Variants in PRSS23 observed in about 807,000 individuals in gnomAD.
PRSS23 encodes protease, serine 23.
In PRSS23, 25 loss-of-function variants were observed where a neutral mutation model predicts 34.7. That is an observed-to-expected ratio of 0.72 (90% confidence interval 0.53 to 1.01). The LOEUF (loss-of-function observed/expected upper bound fraction) is 1.01, where lower values mean the gene tolerates loss of function less well. Among genes scored for constraint, PRSS23 ranks in the 50% least tolerant of loss-of-function variants. PRSS23 has a pLI of 0.00. For missense variants in PRSS23, 445 were observed against 475.6 expected, an observed-to-expected ratio of 0.94 and a Z score of 0.60; for synonymous variants, 176 against 186.6, an observed-to-expected ratio of 0.94 and a Z score of 0.46.
At chr11:86,845,716 A>T (rs189299156) in intron 2 of PRSS23, among the ~76,000 whole-genome samples, 1 of 152,052 alleles carries the variant, frequency 6.6e-6, no homozygotes, top group Non-Finnish European at 1.5e-5. Flanking sequence ...TCCCCAAGAA[A>T]GCTATAAACA....
At position 86,808,683 on chromosome 11, in the gene PRSS23, A is replaced by G. The variant is rs771351446; in HGVS notation, c.1040A>G (p.Asp347Gly). Residue 347 changes from aspartate (D) to glycine (G), a missense_variant, in exon 2 of 2, where the codon GAC (aspartate) becomes GGC (glycine). Transcript: ENST00000280258. Reference sequence around the variant, plus strand: ...ATTTTTTCAGGGCACCAGTGGGTGGACATGAATGGTTCCCCACAGGATTTC... The same window carrying G: ...ATTTTTTCAGGGCACCAGTGGGTGGGCATGAATGGTTCCCCACAGGATTTC... ...IGIFSGHQWVDMNGSPQDFNV... is the reference protein window; with the variant it reads ...IGIFSGHQWVGMNGSPQDFNV... 9 of 1,614,016 alleles carry G rather than the reference A, an allele frequency of 5.6e-6. No homozygotes were observed. In the African/African-American group the frequency reaches 1.2e-4, roughly 22 times the overall value.
chr11:86,847,971 C>T (rs1948500140), intron 2 of PRSS23, among the ~76,000 whole-genome samples: 1 of 152,188 alleles, frequency 6.6e-6, no homozygotes, highest in Middle Eastern at 3.2e-3. Context: ...TCCTCCTGCA[C>T]TGACTCTCCT....
intron 1 of PRSS23, among the ~76,000 whole-genome samples, chr11:86,795,097 C>G (rs1188412399): frequency 6.6e-6 from 1 of 152,024 alleles, no homozygotes; most frequent in Non-Finnish European, 1.5e-5. Context: ...TACATTTTTT[C>G]TTATAAAGTC....
intron 2 of PRSS23, chr11:86,935,385 G>C (rs968683830): frequency 1.8e-4 from 22 of 121,494 alleles, no homozygotes; most frequent in African/African-American, 6.3e-4. Context: ...CATCATAAGA[G>C]AAAAGTGCTG....
intron 2 of PRSS23, among the ~76,000 whole-genome samples, chr11:86,880,375 C>T (rs1241699453): frequency 1.3e-5 from 2 of 151,622 alleles, no homozygotes; most frequent in Non-Finnish European, 2.9e-5. Flanking sequence ...TCTGCTGACC[C>T]TCCCTCCACT....
chr11:86,835,305 A>G (rs953226434), intron 2 of PRSS23, among the ~76,000 whole-genome samples: 24 of 152,244 alleles, frequency 1.6e-4, no homozygotes, highest in African/African-American at 5.8e-4. Context: ...CCTGTAAACA[A>G]TGAGGCCAAC....
At chr11:86,930,120 T>C (rs1199750009) in intron 2 of PRSS23, among the ~76,000 whole-genome samples, 2 of 152,056 alleles carry the variant, frequency 1.3e-5, no homozygotes, top group African/African-American at 4.8e-5. Context: ...TATGTGTATG[T>C]ATACAAAATC....
At chr11:86,952,427 A>G in exon 3 of PRSS23, 1 of 1,614,070 alleles carries the variant, frequency 6.2e-7, no homozygotes, top group Non-Finnish European at 8.5e-7. Flanking sequence ...GGGGATGTTG[A>G]TCTTCTCTGT....
upstream of PRSS23, among the ~76,000 whole-genome samples, chr11:86,798,687 T>C (rs1383969779): frequency 6.6e-6 from 1 of 152,228 alleles, no homozygotes; most frequent in Admixed American, 6.5e-5. Flanking sequence ...TAAGTTTATA[T>C]CTGGTTTTGT....
chr11:86,919,408 T>C (rs2135001868), intron 2 of PRSS23, among the ~76,000 whole-genome samples: 1 of 152,384 alleles, frequency 6.6e-6, no homozygotes, highest in Non-Finnish European at 1.5e-5. Context: ...CCCAGCACTT[T>C]GAATAAGGCA....
chr11:86,879,684 GC>G (rs1167564557), intron 2 of PRSS23, among the ~76,000 whole-genome samples: 1 of 137,666 alleles, frequency 7.3e-6, no homozygotes. Flanking sequence ...GGGGGGGTCA[GC>G]CCCCCACCCG....
At chr11:86,947,238 A>AAC in intron 2 of PRSS23, 2 of 168,800 alleles carry the variant, frequency 1.2e-5, no homozygotes, top group Admixed American at 5.8e-5. Flanking sequence ...AACAAACAAC[A>AAC]AAAAAAAGGT....
intron 2 of PRSS23, among the ~76,000 whole-genome samples, chr11:86,843,972 T>A (rs1203041767): frequency 6.6e-6 from 1 of 152,248 alleles, no homozygotes; most frequent in African/African-American, 2.4e-5. Flanking sequence ...CACGAATGTT[T>A]ATTGTGGCAC....
intron 1 of PRSS23, among the ~76,000 whole-genome samples, chr11:86,806,675 C>T (rs138916783): frequency 3.9e-5 from 6 of 152,312 alleles, no homozygotes; most frequent in Middle Eastern, 6.8e-3. Context: ...TCTGAGCTAC[C>T]GCATCATCCA....
At chr11:86,841,739 T>G (rs573558276) in intron 2 of PRSS23, among the ~76,000 whole-genome samples, 1 of 152,094 alleles carries the variant, frequency 6.6e-6, no homozygotes, top group South Asian at 2.1e-4. Context: ...CAGGAGGAAG[T>G]TGAATCTCTG....
At chr11:86,889,003 C>T (rs186460690) in intron 2 of PRSS23, among the ~76,000 whole-genome samples, 236 of 152,242 alleles carry the variant, frequency 1.6e-3, no homozygotes, top group African/African-American at 5.5e-3. Flanking sequence ...CTTATAGAGC[C>T]CTGATCACTC....
intron 2 of PRSS23, among the ~76,000 whole-genome samples, chr11:86,906,225 T>C (rs190583429): frequency 1.6e-4 from 24 of 152,304 alleles, no homozygotes; most frequent in African/African-American, 5.5e-4. Context: ...ACACCGGGAT[T>C]GGAAAGGGAA....
intron 2 of PRSS23, among the ~76,000 whole-genome samples, chr11:86,917,023 C>T (rs1949017432): frequency 6.6e-6 from 1 of 152,158 alleles, no homozygotes; most frequent in Admixed American, 6.5e-5. Flanking sequence ...CCAATGTTTG[C>T]AATTAAATTT....
intron 2 of PRSS23, among the ~76,000 whole-genome samples, chr11:86,836,307 T>C (rs1590886809): frequency 6.6e-6 from 1 of 152,140 alleles, no homozygotes; most frequent in African/African-American, 2.4e-5. Context: ...TTTGGAGTCC[T>C]TGTTGGGCCT....
Sources: allele counts gnomAD v4.1 joint callset (sites outside exome capture counted in the v4.1 genomes callset), GRCh38; gene constraint gnomAD v4.1.1; transcripts MANE v1.5; gene names NCBI Gene and HGNC (gene_info 2026-07-23, HGNC 2026-07-21).